PRKN: variants seen among roughly 807,000 people sequenced by gnomAD.
PRKN encodes E3 ubiquitin-protein ligase parkin.
In PRKN, 56 loss-of-function variants were observed where a neutral mutation model predicts 59.5. That is an observed-to-expected ratio of 0.94 (90% CI 0.76 to 1.18). The LOEUF (loss-of-function observed/expected upper bound fraction) is 1.18. Ranked by LOEUF, PRKN falls within the 50% of genes most tolerant of loss-of-function variation. The pLI is 0.00. For synonymous variants in PRKN, 250 were observed against 222.1 expected (o/e 1.13, Z -1.12); for missense variants, 657 against 596.4 (o/e 1.10, Z -1.06).
chr6:162,403,958 T>C (rs986330459), intron 2 of PRKN, among the ~76,000 whole-genome samples: 3 of 152,224 alleles, frequency 2.0e-5, no homozygotes, highest in African/African-American at 7.2e-5. Context: ...GTTTTTTTCA[T>C]GGCATTAAAC....
chr6:161,985,285 A>G (rs1383558897), intron 5 of PRKN, among the ~76,000 whole-genome samples: 3 of 152,232 alleles, frequency 2.0e-5, no homozygotes, highest in Non-Finnish European at 4.4e-5. Flanking sequence ...AGCTTCAAGA[A>G]CATAACGGCA....
In PRKN at chr6:161,417,916, G is replaced by A. The variant is rs1787925662; in HGVS notation, c.1084-31039C>T. ...TCCAAACCTAGACGCAGACTCAGTG[G>A]CCCACCCAGGGGCATGAGTAATGCT... On this transcript the variant is annotated intron_variant, in intron 9 of 11. Coordinates refer to ENST00000366898, the MANE Select transcript of PRKN (RefSeq NM_004562.3). This position sits in a 1 kb window ranked among gnomAD's most constrained non-coding sequence, Gnocchi z 5.4. Among the ~76,000 whole-genome samples, 1 of 152,182 alleles carries A rather than the reference G, an allele frequency of 6.6e-6. No individual in the cohort carries two copies. Among genetic ancestry groups the A allele is most frequent in the Admixed American group, 6.5e-5 (1 of 15,278 alleles).
At chr6:161,599,965 A>G (rs1301626300) in intron 7 of PRKN, among the ~76,000 whole-genome samples, 2 of 152,100 alleles carry the variant, frequency 1.3e-5, no homozygotes, top group Admixed American at 6.5e-5. Context: ...CAATGGTGCA[A>G]TTTTCCCAAA....
chr6:161,499,887 T>C lies in PRKN; in HGVS notation c.1083+48967A>G, dbSNP rs1316685977. Among the ~76,000 whole-genome samples, 2 of 152,170 alleles carry C rather than the reference T, an allele frequency of 1.3e-5. No individual in the cohort carries two copies. The highest frequency in any genetic ancestry group is 4.8e-5 in the African/African-American group (2 of 41,434). Reference sequence around the variant, plus strand: ...TTTCTGAAATGGTGTCCAGGAATAATACAATGAATTATTTGAAACCGCAGC... The same window carrying C: ...TTTCTGAAATGGTGTCCAGGAATAACACAATGAATTATTTGAAACCGCAGC... On this transcript the variant is annotated intron_variant, in intron 9 of 11. Coordinates refer to ENST00000366898, the MANE Select transcript of PRKN (RefSeq NM_004562.3). This position sits in a 1 kb window ranked among gnomAD's most constrained non-coding sequence, Gnocchi z 4.2.
intron 1 of PRKN, among the ~76,000 whole-genome samples, chr6:162,544,813 G>A (rs886920753): frequency 1.3e-5 from 2 of 150,146 alleles, no homozygotes; most frequent in Non-Finnish European, 3.0e-5. Flanking sequence ...GAGTAGCTGG[G>A]ATTACAGGCA....
intron 9 of PRKN, among the ~76,000 whole-genome samples, chr6:161,392,815 T>A (rs577092512): frequency 6.6e-6 from 1 of 152,094 alleles, no homozygotes; most frequent in Non-Finnish European, 1.5e-5. Flanking sequence ...ATAAGCCAAT[T>A]TTTTTCTATT....
chr6:161,598,458 G>C (rs982620613), intron 7 of PRKN, among the ~76,000 whole-genome samples: 8 of 152,192 alleles, frequency 5.3e-5, no homozygotes, highest in Admixed American at 2.6e-4. Context: ...TAACATACGG[G>C]CTTGGTCACA....
At chr6:162,078,966 A>C (rs553169445) in intron 4 of PRKN, among the ~76,000 whole-genome samples, 1 of 152,108 alleles carries the variant, frequency 6.6e-6, no homozygotes, top group South Asian at 2.1e-4. Flanking sequence ...ACAAAATCAC[A>C]AAGTCTTACG....
intron 1 of PRKN, among the ~76,000 whole-genome samples, chr6:162,547,137 C>G (rs1260631951): frequency 6.6e-6 from 1 of 152,190 alleles, no homozygotes; most frequent in Non-Finnish European, 1.5e-5. Context: ...CAGGAACTTT[C>G]TGGTTTAATG....
intron 6 of PRKN, among the ~76,000 whole-genome samples, chr6:161,890,827 G>A (rs73785459): frequency 0.02 from 2,981 of 152,256 alleles, 107 homozygotes; most frequent in African/African-American, 0.068. Flanking sequence ...TTATTTCACA[G>A]CAAACTCTGT....
chr6:162,461,892 T>A (rs542901810), intron 1 of PRKN, among the ~76,000 whole-genome samples: 77 of 151,408 alleles, frequency 5.1e-4, no homozygotes, highest in African/African-American at 1.8e-3. Flanking sequence ...ATTTCAGAGA[T>A]AAGGGAAAAT....
chr6:161,821,176 C>A (rs1450987240), intron 6 of PRKN, among the ~76,000 whole-genome samples: 1 of 152,066 alleles, frequency 6.6e-6, no homozygotes, highest in East Asian at 1.9e-4. Flanking sequence ...CCCCCAATTA[C>A]CAAAAACCCC....
intron 2 of PRKN, among the ~76,000 whole-genome samples, chr6:162,326,496 A>G (rs1169320209): frequency 1.3e-5 from 2 of 152,296 alleles, no homozygotes; most frequent in Admixed American, 6.5e-5. Flanking sequence ...TACCTCCTAG[A>G]GAGCTTTTGA....
intron 6 of PRKN, among the ~76,000 whole-genome samples, chr6:161,929,366 GACTAACTGCTTAATGTGTATGGAGT>G (rs1779084064): frequency 1.3e-5 from 2 of 152,098 alleles, no homozygotes; most frequent in African/African-American, 2.4e-5. Context: ...CAGGGAAATG[GACTAACTGCTTAATGTGTATGGAGT>G]ATTATTTTGG....
chr6:162,308,935 A>G (rs1288743172), intron 2 of PRKN, among the ~76,000 whole-genome samples: 2 of 152,120 alleles, frequency 1.3e-5, no homozygotes, highest in East Asian at 1.9e-4. Flanking sequence ...TTTTAATGCA[A>G]ATACTCTGAT....
intron 1 of PRKN, among the ~76,000 whole-genome samples, chr6:162,484,702 G>A (rs1254377755): frequency 6.6e-6 from 1 of 152,190 alleles, no homozygotes; most frequent in Non-Finnish European, 1.5e-5. Flanking sequence ...TTCAGCTGCA[G>A]TGAGACGGGG....
At chr6:161,629,573 A>T (rs1457999360) in intron 7 of PRKN, among the ~76,000 whole-genome samples, 2 of 152,160 alleles carry the variant, frequency 1.3e-5, no homozygotes, top group African/African-American at 4.8e-5. Flanking sequence ...AAGGCACCCT[A>T]TACATGACTC....
chr6:162,013,914 G>A (rs1215213257), intron 5 of PRKN, among the ~76,000 whole-genome samples: 5 of 151,972 alleles, frequency 3.3e-5, no homozygotes, highest in Non-Finnish European at 1.5e-5. Context: ...ATACTATTAA[G>A]TTCATTTGTT....
intron 1 of PRKN, among the ~76,000 whole-genome samples, chr6:162,652,437 A>G (rs547532572): frequency 9.5e-4 from 145 of 152,306 alleles, no homozygotes; most frequent in Non-Finnish European, 1.6e-3. Context: ...CATAGTCTCT[A>G]TCATTTCATA....
Sources: gnomAD v4.1 joint callset for allele counts (sites outside exome capture counted in the v4.1 genomes callset) on GRCh38, gnomAD v4.1.1 for gene constraint, Gnocchi (gnomAD v3.1) non-coding constraint, MANE v1.5 for transcripts, NCBI Gene and HGNC (gene_info 2026-07-23, HGNC 2026-07-21) for gene names.